ARHGEF3: variants seen among roughly 807,000 people sequenced by gnomAD.
ARHGEF3 encodes the protein 59.8 kDA protein.
Under a neutral mutation model 63.2 loss-of-function variants are expected in ARHGEF3, and 28 were observed. The observed-to-expected ratio is 0.44, with a 90% CI of 0.33 to 0.61. The LOEUF is 0.61. ARHGEF3 is among the 20% of genes least tolerant of loss of function. The pLI is 0.03. For synonymous variants in ARHGEF3, 266 were observed against 254.2 expected, an observed-to-expected ratio of 1.05 and a Z score of -0.44; for missense variants, 533 against 659.3, an observed-to-expected ratio of 0.81 and a Z score of 2.10.
intron 4 of ARHGEF3, among the ~76,000 whole-genome samples, chr3:56,879,357 C>T (rs1171298630): frequency 6.6e-6 from 1 of 152,064 alleles, no homozygotes; most frequent in Admixed American, 6.6e-5. Flanking sequence ...ACTTTAAGTC[C>T]CAGATACATT....
At chr3:56,751,755 C>A (rs748222717) in intron 4 of ARHGEF3, among the ~76,000 whole-genome samples, 7 of 152,106 alleles carry the variant, frequency 4.6e-5, no homozygotes, top group Non-Finnish European at 1.0e-4. Flanking sequence ...TCAAAACTAG[C>A]TACTAGCAGA....
At chr3:56,835,245 G>A (rs964977712) in intron 4 of ARHGEF3, among the ~76,000 whole-genome samples, 3 of 151,432 alleles carry the variant, frequency 2.0e-5, no homozygotes, top group South Asian at 2.1e-4. Flanking sequence ...GTGTGATCTC[G>A]GCTCACTGCA....
intron 3 of ARHGEF3, among the ~76,000 whole-genome samples, chr3:56,929,904 T>C (rs1230148440): frequency 6.6e-6 from 1 of 152,058 alleles, no homozygotes; most frequent in African/African-American, 2.4e-5. Flanking sequence ...TCCTCTGAGG[T>C]ATAAAAAACC....
In ARHGEF3 at chr3:57,022,371, T is replaced by A. The variant is rs9841886; in HGVS notation, c.62+12717A>T. Among the ~76,000 whole-genome samples, 717 of 151,524 alleles carry A rather than the reference T, an allele frequency of 4.7e-3. 4 individuals carry two copies. Among genetic ancestry groups the A allele is most frequent in the African/African-American group, 0.016 (675 of 41,270 alleles). ...CTCGCAATAGCAGGGCTGATCAGACTGATCCACACGTGTGACCATCTCATC... is the reference window on the plus strand; with the variant it reads ...CTCGCAATAGCAGGGCTGATCAGACAGATCCACACGTGTGACCATCTCATC... On this transcript the variant is annotated intron_variant, in intron 2 of 12. Transcript: ENST00000338458.
At chr3:56,888,660 T>C (rs1339975236) in intron 3 of ARHGEF3, among the ~76,000 whole-genome samples, 1 of 152,054 alleles carries the variant, frequency 6.6e-6, no homozygotes, top group Non-Finnish European at 1.5e-5. Context: ...TCCAGCACAT[T>C]GGGAGGCCGA....
chr3:56,952,201 C>G (rs972841228), intron 3 of ARHGEF3, among the ~76,000 whole-genome samples: 8 of 152,010 alleles, frequency 5.3e-5, no homozygotes, highest in African/African-American at 1.7e-4. Context: ...TCAGAGACAT[C>G]TGAAGCATGA....
chr3:57,013,157 G>A lies in ARHGEF3; in HGVS notation c.62+21931C>T, dbSNP rs544338825. On this transcript the variant is annotated intron_variant, in intron 2 of 12. Coordinates refer to the ARHGEF3 transcript ENST00000338458. Reference sequence around the variant, plus strand: ...CCATGCCTGAGCCCCCCGCCCTGGCGGTGGGCTCCTGTGTCGCCAGAGCCT... The same window carrying A: ...CCATGCCTGAGCCCCCCGCCCTGGCAGTGGGCTCCTGTGTCGCCAGAGCCT... Among the ~76,000 whole-genome samples, 52 of 152,274 alleles carry A rather than the reference G, an allele frequency of 3.4e-4. No homozygotes were observed. In the South Asian group the frequency reaches 9.9e-3, roughly 29 times the overall value.
chr3:56,793,170 ATT>A (rs34139761), intron 1 of ARHGEF3, among the ~76,000 whole-genome samples: 94 of 132,082 alleles, frequency 7.1e-4, no homozygotes, highest in Middle Eastern at 4.0e-3. Context: ...GGCCCAGATA[ATT>A]TTTTTTTTTT....
At chr3:57,015,400 G>T (rs1702948714) in intron 2 of ARHGEF3, among the ~76,000 whole-genome samples, 1 of 152,096 alleles carries the variant, frequency 6.6e-6, no homozygotes, top group African/African-American at 2.4e-5. Flanking sequence ...TCCTTAGAAA[G>T]GTGTATGTGC....
At chr3:56,767,577 C>G (rs1474211381) in intron 2 of ARHGEF3, among the ~76,000 whole-genome samples, 1 of 101,240 alleles carries the variant, frequency 9.9e-6, no homozygotes, top group Non-Finnish European at 1.9e-5. Flanking sequence ...AAGCGAGACT[C>G]CGTCTCAAAA....
intron 4 of ARHGEF3, among the ~76,000 whole-genome samples, chr3:56,828,296 G>A (rs1246568624): frequency 6.6e-6 from 1 of 152,074 alleles, no homozygotes; most frequent in African/African-American, 2.4e-5. Flanking sequence ...AGTACTTTGG[G>A]AGGCCAAGGT....
At chr3:56,905,952 C>G (rs2041670949) in intron 3 of ARHGEF3, among the ~76,000 whole-genome samples, 1 of 152,110 alleles carries the variant, frequency 6.6e-6, no homozygotes, top group African/African-American at 2.4e-5. Context: ...GCAACCTCAG[C>G]CTCCAGGGTT....
At chr3:56,999,661 A>G (rs137931358) in intron 2 of ARHGEF3, among the ~76,000 whole-genome samples, 1 of 152,150 alleles carries the variant, frequency 6.6e-6, no homozygotes. Context: ...GTTAGATGTG[A>G]TGGTGCACAC....
chr3:57,078,783 C>G (rs1181443869), intron 1 of ARHGEF3: 1 of 153,732 alleles, frequency 6.5e-6, no homozygotes, highest in South Asian at 2.1e-4. Context: ...CGACGCTGAC[C>G]TGCGGGTGCC....
At chr3:56,915,435 C>T (rs897819667) in intron 3 of ARHGEF3, among the ~76,000 whole-genome samples, 1 of 152,084 alleles carries the variant, frequency 6.6e-6, no homozygotes. Context: ...CACTATATTC[C>T]AGCGTGGATG....
At chr3:56,968,257 ATT>A (rs371647566) in intron 2 of ARHGEF3, among the ~76,000 whole-genome samples, 149 of 37,326 alleles carry the variant, frequency 4.0e-3, no homozygotes, top group South Asian at 7.0e-3. Flanking sequence ...AATATATAAT[ATT>A]TAAATATATA....
At chr3:57,002,258 T>C (rs1253396564) in intron 2 of ARHGEF3, among the ~76,000 whole-genome samples, 2 of 150,934 alleles carry the variant, frequency 1.3e-5, no homozygotes, top group Non-Finnish European at 2.9e-5. Context: ...GAAGTATCAT[T>C]AGTCAGTAGT....
At chr3:56,934,279 G>A (rs1042653559) in intron 3 of ARHGEF3, among the ~76,000 whole-genome samples, 1 of 152,256 alleles carries the variant, frequency 6.6e-6, no homozygotes, top group African/African-American at 2.4e-5. Context: ...TTACTGAGCA[G>A]TTACTGAGAC....
chr3:56,856,829 T>C (rs865999421), intron 4 of ARHGEF3, among the ~76,000 whole-genome samples: 2 of 151,870 alleles, frequency 1.3e-5, no homozygotes, highest in African/African-American at 4.8e-5. Context: ...GAGGCTTTGC[T>C]CTGCCTCCCA....
Sources: gnomAD v4.1 joint callset for allele counts (sites outside exome capture counted in the v4.1 genomes callset) on GRCh38, gnomAD v4.1.1 for gene constraint, MANE v1.5 for transcripts, NCBI Gene and HGNC (gene_info 2026-07-23, HGNC 2026-07-21) for gene names.